Variants in ERC2 observed in about 807,000 individuals in gnomAD.
The protein encoded by ERC2 is ELKS/RAB6-interacting/CAST family member 2.
ERC2 carries 42 observed loss-of-function variants against 114.8 expected under a neutral mutation model. The ratio of observed to expected loss-of-function variants is 0.37; its 90% confidence interval spans 0.29 to 0.47. The LOEUF (loss-of-function observed/expected upper bound fraction) is 0.47, where lower values mean the gene tolerates loss of function less well. Ranked by LOEUF, ERC2 falls within the 20% of genes least tolerant of loss-of-function variation. The probability of loss-of-function intolerance (pLI) is 0.99; values close to 1 mark genes in which losing one functional copy is unlikely to be tolerated. For missense variants in ERC2, 939 were observed against 1,150.7 expected, an observed-to-expected ratio of 0.82 and a Z score of 2.66; for synonymous variants, 454 against 425.5, an observed-to-expected ratio of 1.07 and a Z score of -0.82.
intron 7 of ERC2, among the ~76,000 whole-genome samples, chr3:56,039,852 T>G (rs902643067): frequency 6.6e-6 from 1 of 152,182 alleles, no homozygotes; most frequent in African/African-American, 2.4e-5. Flanking sequence ...GCACTTGTAG[T>G]CAATTTTTCT....
intron 13 of ERC2, among the ~76,000 whole-genome samples, chr3:55,910,386 T>A (rs1317269783): frequency 6.6e-6 from 1 of 151,792 alleles, no homozygotes; most frequent in African/African-American, 2.4e-5. Context: ...AGCAAGACTC[T>A]GTCTCAACAA....
At chr3:55,839,092 C>G (rs9839530) in intron 14 of ERC2, among the ~76,000 whole-genome samples, 27,255 of 151,278 alleles carry the variant, frequency 0.18, 3,621 homozygotes, top group African/African-American at 0.37. Flanking sequence ...TAAAAGGAGT[C>G]AGAAAAAAAC....
chr3:56,120,211 G>C (rs2079496065), intron 6 of ERC2, among the ~76,000 whole-genome samples: 1 of 152,084 alleles, frequency 6.6e-6, no homozygotes, highest in East Asian at 1.9e-4. Context: ...GGCAACACTG[G>C]GCCTCTGGTT....
intron 14 of ERC2, among the ~76,000 whole-genome samples, chr3:55,778,150 T>C (rs1173717500): frequency 6.6e-6 from 1 of 152,212 alleles, no homozygotes; most frequent in Non-Finnish European, 1.5e-5. Context: ...ATGCATATGC[T>C]TATGTATAAC....
chr3:56,382,599 T>C (rs1454241302), intron 2 of ERC2, among the ~76,000 whole-genome samples: 1 of 152,180 alleles, frequency 6.6e-6, no homozygotes, highest in Non-Finnish European at 1.5e-5. Flanking sequence ...CCCTCCCTTG[T>C]TGAAACACTT....
At chr3:56,396,069 G>C (rs1405016365) in intron 2 of ERC2, among the ~76,000 whole-genome samples, 1 of 152,184 alleles carries the variant, frequency 6.6e-6, no homozygotes, top group Non-Finnish European at 1.5e-5. Flanking sequence ...AAAATTTGTG[G>C]TTAATGAGGG....
At chr3:56,305,811 G>A (rs937289021) in intron 2 of ERC2, among the ~76,000 whole-genome samples, 3 of 152,186 alleles carry the variant, frequency 2.0e-5, no homozygotes, top group African/African-American at 4.8e-5. Flanking sequence ...AGTTTTAGTG[G>A]AACACAGCCA....
intron 13 of ERC2, among the ~76,000 whole-genome samples, chr3:55,920,284 A>G (rs2065341331): frequency 6.6e-6 from 1 of 152,030 alleles, no homozygotes; most frequent in African/African-American, 2.4e-5. Context: ...TATTTTCTGT[A>G]TTTTCCATTA....
At chr3:55,567,046 T>G (rs1254552744) in intron 17 of ERC2, among the ~76,000 whole-genome samples, 1 of 152,178 alleles carries the variant, frequency 6.6e-6, no homozygotes, top group Non-Finnish European at 1.5e-5. Flanking sequence ...CAGACCATAT[T>G]CCAAGTGCTG....
chr3:55,543,841 G>GCCACTCTC (rs2054564683), intron 17 of ERC2, among the ~76,000 whole-genome samples: 1 of 152,066 alleles, frequency 6.6e-6, no homozygotes, highest in Non-Finnish European at 1.5e-5. Context: ...GGCTGCCCTG[G>GCCACTCTC]CCACTCTCCC....
At chr3:56,130,464 C>T (rs2080136758) in intron 6 of ERC2, among the ~76,000 whole-genome samples, 1 of 152,192 alleles carries the variant, frequency 6.6e-6, no homozygotes, top group African/African-American at 2.4e-5. Context: ...TTACGTATTT[C>T]ACAGTTCATT....
chr3:55,546,286 C>A (rs936872427), intron 17 of ERC2, among the ~76,000 whole-genome samples: 1 of 152,182 alleles, frequency 6.6e-6, no homozygotes, highest in East Asian at 1.9e-4. Flanking sequence ...TTTGCCTTCC[C>A]TATGCCCTCC....
intron 13 of ERC2, among the ~76,000 whole-genome samples, chr3:55,896,251 T>A (rs1016714820): frequency 6.6e-6 from 1 of 152,166 alleles, no homozygotes; most frequent in Non-Finnish European, 1.5e-5. Context: ...ATCACAATAG[T>A]GATTTTAAAG....
intron 7 of ERC2, among the ~76,000 whole-genome samples, chr3:56,073,231 C>T (rs1462524254): frequency 6.6e-6 from 1 of 152,158 alleles, no homozygotes; most frequent in Non-Finnish European, 1.5e-5. Context: ...AATGCTACCT[C>T]AAGGCAGGGG....
At chr3:55,908,950 G>A (rs967124126) in intron 13 of ERC2, among the ~76,000 whole-genome samples, 6 of 152,142 alleles carry the variant, frequency 3.9e-5, no homozygotes, top group Admixed American at 1.3e-4. Flanking sequence ...GTAGTCCCTC[G>A]AATAATAACA....
At chr3:56,352,262 A>G (rs7610959) in intron 2 of ERC2, among the ~76,000 whole-genome samples, 36,800 of 152,136 alleles carry the variant, frequency 0.24, 4,870 homozygotes, top group Non-Finnish European at 0.29. Context: ...ATTAAAACCT[A>G]AACTAAGGTG....
chr3:56,346,092 T>C (rs2058296391), intron 2 of ERC2, among the ~76,000 whole-genome samples: 1 of 152,222 alleles, frequency 6.6e-6, no homozygotes, highest in Admixed American at 6.5e-5. Flanking sequence ...AGGCTTTTGA[T>C]ACACTTCATC....
intron 17 of ERC2, among the ~76,000 whole-genome samples, chr3:55,634,913 C>T (rs1432618891): frequency 1.3e-5 from 2 of 149,202 alleles, no homozygotes; most frequent in African/African-American, 4.9e-5. Flanking sequence ...TGACGAGTCT[C>T]ACTCTCTAGC....
intron 2 of ERC2, among the ~76,000 whole-genome samples, chr3:56,421,132 G>A (rs1239797819): frequency 6.6e-6 from 1 of 152,166 alleles, no homozygotes; most frequent in Non-Finnish European, 1.5e-5. Flanking sequence ...AGAGATTCCA[G>A]GAGGCTACTG....
Sources: gnomAD v4.1 joint callset for allele counts (sites outside exome capture counted in the v4.1 genomes callset) on GRCh38, gnomAD v4.1.1 for gene constraint, MANE v1.5 for transcripts, NCBI Gene and HGNC (gene_info 2026-07-23, HGNC 2026-07-21) for gene names.